The following CACNA2D3 variants were observed in gnomAD, a reference collection of about 807,000 sequenced individuals.
CACNA2D3 encodes voltage-dependent calcium channel subunit alpha-2/delta-3.
In CACNA2D3, 60 loss-of-function variants were observed where a neutral mutation model predicts 160.6. The ratio of observed to expected loss-of-function variants is 0.37; its 90% CI spans 0.30 to 0.46. The LOEUF (loss-of-function observed/expected upper bound fraction) is 0.46, where lower values mean the gene tolerates loss of function less well. Ranked by LOEUF, CACNA2D3 falls within the 20% of genes least tolerant of loss-of-function variation. The pLI is 1.00. For synonymous variants in CACNA2D3, 558 were observed against 492.9 expected, an observed-to-expected ratio of 1.13 and a Z score of -1.75; for missense variants, 1,205 against 1,365.0, an observed-to-expected ratio of 0.88 and a Z score of 1.85.
chr3:54,847,609 T>C (rs1698963717), intron 17 of CACNA2D3, among the ~76,000 whole-genome samples: 1 of 152,234 alleles, frequency 6.6e-6, no homozygotes, highest in Non-Finnish European at 1.5e-5. Flanking sequence ...ATCATGTGGA[T>C]GCCATATGCA....
intron 17 of CACNA2D3, among the ~76,000 whole-genome samples, chr3:54,860,309 T>G (rs1158777689): frequency 6.6e-6 from 1 of 152,170 alleles, no homozygotes; most frequent in Non-Finnish European, 1.5e-5. Flanking sequence ...TCCTGAATAT[T>G]AGAACCAGTT....
chr3:54,527,381 G>T (rs947798722), intron 5 of CACNA2D3, among the ~76,000 whole-genome samples: 1 of 152,098 alleles, frequency 6.6e-6, no homozygotes, highest in Non-Finnish European at 1.5e-5. Context: ...GGGCACAATC[G>T]CTGAGCCATA....
intron 4 of CACNA2D3, among the ~76,000 whole-genome samples, chr3:54,392,305 GAA>G (rs10711492): frequency 1.3e-5 from 2 of 149,144 alleles, no homozygotes; most frequent in African/African-American, 2.5e-5. Context: ...CAGTAAAGAA[GAA>G]AAAAAAAATG....
At chr3:54,515,352 CT>C (rs1364246345) in intron 5 of CACNA2D3, among the ~76,000 whole-genome samples, 1 of 152,054 alleles carries the variant, frequency 6.6e-6, no homozygotes, top group Non-Finnish European at 1.5e-5. Flanking sequence ...ACATGTGCTG[CT>C]TTTTTAGTAA....
At chr3:54,613,278 A>G (rs1437201754) in intron 9 of CACNA2D3, among the ~76,000 whole-genome samples, 1 of 152,250 alleles carries the variant, frequency 6.6e-6, no homozygotes, top group Non-Finnish European at 1.5e-5. Context: ...TCAAAAAAGA[A>G]AAAAGTTTCC....
rs771865994 is a variant in CACNA2D3, at chr3:55,073,558, A to G, written c.3100+1A>G. 1.9e-6 allele frequency: 3 copies of G among 1,611,640 alleles called. No individual in the cohort carries two copies. Among genetic ancestry groups the G allele is most frequent in the Non-Finnish European group, 2.5e-6 (3 of 1,177,924 alleles). ...ACCATGGCACCCATTGAAATCAGGT[A>G]TATCCTTTTGTGTGCAGGTCCACTC... On this transcript the variant is annotated splice_donor_variant, in intron 36 of 37. Coordinates refer to ENST00000474759, the MANE Select transcript of CACNA2D3 (RefSeq NM_018398.3). LOFTEE classifies it high-confidence loss of function.
chr3:55,036,630 A>G (rs1306552288), intron 35 of CACNA2D3, among the ~76,000 whole-genome samples: 1 of 151,144 alleles, frequency 6.6e-6, no homozygotes, highest in Non-Finnish European at 1.5e-5. Flanking sequence ...ACCACGCCCA[A>G]CTAGTTGTTG....
chr3:54,914,184 T>C (rs1436485204), intron 27 of CACNA2D3, among the ~76,000 whole-genome samples: 3 of 152,104 alleles, frequency 2.0e-5, no homozygotes, highest in African/African-American at 4.8e-5. Context: ...ATTTCTTCTG[T>C]AAAATAAGGA....
intron 2 of CACNA2D3, among the ~76,000 whole-genome samples, chr3:54,300,688 G>T (rs1703455666): frequency 6.6e-6 from 1 of 152,134 alleles, no homozygotes; most frequent in African/African-American, 2.4e-5. Context: ...TCTGATTTTG[G>T]ATGATCAATT....
At chr3:54,180,280 A>G (rs1700760006) in intron 2 of CACNA2D3, among the ~76,000 whole-genome samples, 1 of 152,130 alleles carries the variant, frequency 6.6e-6, no homozygotes, top group Non-Finnish European at 1.5e-5. Context: ...GGTGGGAACC[A>G]TGCTCAGGCC....
chr3:54,361,674 C>A (rs1041004425), intron 3 of CACNA2D3, among the ~76,000 whole-genome samples: 2 of 152,126 alleles, frequency 1.3e-5, no homozygotes, highest in Non-Finnish European at 2.9e-5. Flanking sequence ...TTGTGGTTGA[C>A]CATGAACTGA....
chr3:54,811,852 C>G (rs759964151), intron 13 of CACNA2D3, among the ~76,000 whole-genome samples: 7 of 152,202 alleles, frequency 4.6e-5, no homozygotes, highest in African/African-American at 1.7e-4. Context: ...GGCCTTCCTT[C>G]TCAAATTCTG....
At chr3:54,485,794 C>T (rs1376060195) in intron 4 of CACNA2D3, among the ~76,000 whole-genome samples, 3 of 152,104 alleles carry the variant, frequency 2.0e-5, no homozygotes, top group Non-Finnish European at 4.4e-5. Flanking sequence ...GAACTCCTGA[C>T]CTCAATTGAT....
intron 12 of CACNA2D3, among the ~76,000 whole-genome samples, chr3:54,755,694 G>C (rs1701956227): frequency 6.6e-6 from 1 of 152,046 alleles, no homozygotes; most frequent in Non-Finnish European, 1.5e-5. Context: ...TGAGTGAAGA[G>C]GCCTTTCTTG....
intron 5 of CACNA2D3, among the ~76,000 whole-genome samples, chr3:54,512,071 G>T (rs970795024): frequency 2.0e-5 from 3 of 152,162 alleles, no homozygotes; most frequent in African/African-American, 7.2e-5. Context: ...TTGAGAAAGG[G>T]ATTGCCTTGC....
chr3:54,821,641 G>GT lies in CACNA2D3; in HGVS notation c.1398+4773dup, dbSNP rs1204861925. On this transcript the variant is annotated intron_variant, in intron 14 of 37. Transcript: ENST00000474759. Reference sequence around the variant, plus strand: ...AGCCTTCGTTTTTCTAGAGTCTTTCGTTCTTTCTTTCTTTCTTTCTTTCTT... The same window carrying GT: ...AGCCTTCGTTTTTCTAGAGTCTTTCGTTTCTTTCTTTCTTTCTTTCTTTCTT... 5.9e-3 allele frequency among the ~76,000 whole-genome samples: 631 copies of GT among 107,676 alleles called. 4 individuals carry two copies. The highest frequency in any genetic ancestry group is 0.028 in the Middle Eastern group (6 of 212). 70.6% of individuals were successfully genotyped at this position (107,676 alleles called of 152,430 possible). A position where few individuals can be genotyped will look rare whatever the true frequency, so the allele number is the denominator to read the frequency against.
chr3:54,135,904 A>G (rs1699806288), intron 2 of CACNA2D3, among the ~76,000 whole-genome samples: 1 of 152,192 alleles, frequency 6.6e-6, no homozygotes, highest in African/African-American at 2.4e-5. Flanking sequence ...CCTGACTACC[A>G]GGCTTGGGCC....
At chr3:54,209,241 A>G (rs1208277327) in intron 2 of CACNA2D3, among the ~76,000 whole-genome samples, 1 of 152,204 alleles carries the variant, frequency 6.6e-6, no homozygotes, top group Non-Finnish European at 1.5e-5. Context: ...AGGCATCGAA[A>G]TAATTGGAGA....
chr3:54,561,541 C>G (rs1447062139), intron 5 of CACNA2D3, among the ~76,000 whole-genome samples: 1 of 152,164 alleles, frequency 6.6e-6, no homozygotes, highest in African/African-American at 2.4e-5. Flanking sequence ...GTTTGACTTC[C>G]TTTCTTCCTA....
Sources: allele counts gnomAD v4.1 joint callset (sites outside exome capture counted in the v4.1 genomes callset), GRCh38; gene constraint gnomAD v4.1.1; transcripts MANE v1.5; gene names NCBI Gene and HGNC (gene_info 2026-07-23, HGNC 2026-07-21).